The following CDH12 variants were observed in gnomAD, a reference collection of about 807,000 sequenced individuals.
CDH12 encodes cadherin 12.
A neutral mutation model predicts 74.1 loss-of-function variants in CDH12; 41 were observed. The ratio of observed to expected loss-of-function variants is 0.55; its 90% CI spans 0.43 to 0.72. The LOEUF (loss-of-function observed/expected upper bound fraction) is 0.72, where lower values mean the gene tolerates loss of function less well. Among genes scored for constraint, CDH12 ranks in the 30% least tolerant of loss-of-function variants. The probability of loss-of-function intolerance (pLI) is 0.00; values close to 1 mark genes in which losing one functional copy is unlikely to be tolerated. For synonymous variants in CDH12, 399 were observed against 355.0 expected (o/e 1.12, Z -1.39); for missense variants, 945 against 977.2 (o/e 0.97, Z 0.44).
At chr5:22,187,404 A>C (rs909073193) in intron 4 of CDH12, among the ~76,000 whole-genome samples, 2 of 152,200 alleles carry the variant, frequency 1.3e-5, no homozygotes, top group Non-Finnish European at 2.9e-5. Flanking sequence ...GGAAATAAGG[A>C]GTTCCCAGCA....
chr5:22,591,970 A>T lies in CDH12; in HGVS notation c.-522-86606T>A, dbSNP rs974796145. ...ATTTGGCTTGAATCTTGTGACCACC[A>T]TGTGAACCCTAAGTCATGCCTTTTA... On this transcript the variant is annotated intron_variant, in intron 1 of 14. Transcript: ENST00000382254. 7.8e-5 allele frequency among the ~76,000 whole-genome samples: 8 copies of T among 102,062 alleles called. No individual in the cohort carries two copies. In the Admixed American group the frequency reaches 9.8e-4, roughly 12 times the overall value. 67.0% of individuals were successfully genotyped at this position (102,062 alleles called of 152,430 possible).
intron 3 of CDH12, among the ~76,000 whole-genome samples, chr5:22,393,389 G>A (rs1405107887): frequency 6.6e-6 from 1 of 152,094 alleles, no homozygotes; most frequent in Admixed American, 6.6e-5. Flanking sequence ...CTGACACTTC[G>A]ATTTAAGACT....
At chr5:22,191,569 T>A (rs930875140) in intron 4 of CDH12, among the ~76,000 whole-genome samples, 12 of 136,236 alleles carry the variant, frequency 8.8e-5, no homozygotes, top group African/African-American at 3.4e-4. Flanking sequence ...TATTTTTATT[T>A]TTTTTTTTTT....
At chr5:22,393,113 T>C (rs1450589470) in intron 3 of CDH12, among the ~76,000 whole-genome samples, 1 of 152,152 alleles carries the variant, frequency 6.6e-6, no homozygotes, top group Non-Finnish European at 1.5e-5. Flanking sequence ...AAAGTTAAAA[T>C]CTTAAAATAA....
At chr5:22,281,057 G>A (rs1580476868) in intron 3 of CDH12, among the ~76,000 whole-genome samples, 1 of 152,124 alleles carries the variant, frequency 6.6e-6, no homozygotes, top group Admixed American at 6.5e-5. Context: ...TGGGATGCAA[G>A]TCTGGTTCAA....
intron 4 of CDH12, 25 bp from the exon 5 acceptor site, chr5:22,078,887 C>A (rs1279606394): frequency 8.2e-7 from 1 of 1,226,094 alleles, no homozygotes; most frequent in African/African-American, 1.5e-5. Flanking sequence ...AACAAAGATA[C>A]ATTAAATTAA....
rs188784848 is a variant in CDH12, at chr5:22,004,625, C to T, written c.232-29240G>A. ...GTCCACATTGTTGCTGAAATATCAA[C>T]CAAATTGAGTATTGTTGTCAATCCC... On this transcript the variant is annotated intron_variant, in intron 5 of 14. Transcript: ENST00000382254. 4.6e-3 allele frequency among the ~76,000 whole-genome samples: 700 copies of T among 152,284 alleles called. 9 individuals carry two copies. Among genetic ancestry groups the T allele is most frequent in the African/African-American group, 0.016 (670 of 41,560 alleles).
At chr5:22,718,144 T>C (rs1743679970) in intron 1 of CDH12, among the ~76,000 whole-genome samples, 1 of 152,232 alleles carries the variant, frequency 6.6e-6, no homozygotes, top group Admixed American at 6.5e-5. Context: ...TATCATTTCC[T>C]GAAAAGAACA....
At chr5:22,254,085 C>A (rs1275086940) in intron 3 of CDH12, among the ~76,000 whole-genome samples, 1 of 151,718 alleles carries the variant, frequency 6.6e-6, no homozygotes, top group Non-Finnish European at 1.5e-5. Context: ...AGAGTCAAAT[C>A]ACTGTTTTTA....
intron 5 of CDH12, among the ~76,000 whole-genome samples, chr5:21,996,071 C>CA (rs1403954733): frequency 3.4e-5 from 5 of 147,762 alleles, no homozygotes; most frequent in Non-Finnish European, 7.4e-5. Flanking sequence ...GATATTTGAG[C>CA]AGTCGGCTCA....
chr5:21,892,091 G>A (rs1200713643), intron 6 of CDH12, among the ~76,000 whole-genome samples: 3 of 152,014 alleles, frequency 2.0e-5, no homozygotes, highest in Non-Finnish European at 4.4e-5. Context: ...TAATAAAATA[G>A]TATTTAAATT....
At chr5:22,779,530 C>T (rs187105815) in intron 1 of CDH12, among the ~76,000 whole-genome samples, 13 of 152,246 alleles carry the variant, frequency 8.5e-5, no homozygotes, top group African/African-American at 2.9e-4. Context: ...GGCTCTGTGT[C>T]CCCAACCAAA....
intron 2 of CDH12, among the ~76,000 whole-genome samples, chr5:22,437,530 G>A (rs909665116): frequency 7.1e-6 from 1 of 141,438 alleles, no homozygotes; most frequent in Admixed American, 7.4e-5. Context: ...GCAGACTGTA[G>A]CCAAGTCAGC....
intron 1 of CDH12, among the ~76,000 whole-genome samples, chr5:22,790,223 T>C (rs1747837915): frequency 1.3e-5 from 2 of 152,196 alleles, no homozygotes; most frequent in East Asian, 3.9e-4. Context: ...AGAGAATAGA[T>C]TTTCATTTAA....
chr5:22,592,366 C>A (rs973839913), intron 1 of CDH12, among the ~76,000 whole-genome samples: 2 of 152,122 alleles, frequency 1.3e-5, no homozygotes, highest in Non-Finnish European at 1.5e-5. Context: ...AACTAAATTT[C>A]ATCTGCACTT....
chr5:22,581,799 A>T (rs550918970), intron 1 of CDH12, among the ~76,000 whole-genome samples: 13 of 152,300 alleles, frequency 8.5e-5, no homozygotes, highest in African/African-American at 3.1e-4. Context: ...CTTTTGCCTC[A>T]TAGCTCTTAA....
chr5:22,255,475 G>C (rs565619582), intron 3 of CDH12, among the ~76,000 whole-genome samples: 3 of 151,458 alleles, frequency 2.0e-5, no homozygotes, highest in South Asian at 2.1e-4. Flanking sequence ...TAGCCATGTG[G>C]CTCTTATTTC....
chr5:22,670,120 T>C (rs1050046882), intron 1 of CDH12, among the ~76,000 whole-genome samples: 12 of 152,178 alleles, frequency 7.9e-5, no homozygotes, highest in African/African-American at 2.9e-4. Context: ...GGAGTGCTTT[T>C]CTAAGATGCC....
At chr5:21,822,073 C>T (rs1748399226) in intron 8 of CDH12, among the ~76,000 whole-genome samples, 1 of 151,894 alleles carries the variant, frequency 6.6e-6, no homozygotes, top group South Asian at 2.1e-4. Context: ...TTAAACATCC[C>T]TCTTTTCCTG....
Sources: gnomAD v4.1 joint callset for allele counts (sites outside exome capture counted in the v4.1 genomes callset) on GRCh38, gnomAD v4.1.1 for gene constraint, MANE v1.5 for transcripts, NCBI Gene and HGNC (gene_info 2026-07-23, HGNC 2026-07-21) for gene names.